The following NHSL1 variants were observed in gnomAD, a reference collection of about 807,000 sequenced individuals.
NHSL1 encodes NHS like 1.
In NHSL1, 48 loss-of-function variants were observed where a neutral mutation model predicts 95.0. That is an observed-to-expected ratio of 0.51 (90% CI 0.40 to 0.64). NHSL1 has a LOEUF of 0.64. Among genes scored for constraint, NHSL1 ranks in the 30% least tolerant of loss-of-function variants. NHSL1 has a pLI of 0.00. For missense variants in NHSL1, 1,971 were observed against 2,077.7 expected (o/e 0.95, Z 1.00); for synonymous variants, 783 against 833.9 (o/e 0.94, Z 1.05).
chr6:138,545,593 GCCA>G, intron 1 of NHSL1: 2 of 1,273,634 alleles, frequency 1.6e-6, no homozygotes, highest in Non-Finnish European at 2.1e-6. Context: ...GTAGAACTTT[GCCA>G]CCCAAATGGA....
At chr6:138,443,475 C>T (rs1282734135) in intron 4 of NHSL1, among the ~76,000 whole-genome samples, 1 of 152,172 alleles carries the variant, frequency 6.6e-6, no homozygotes, top group African/African-American at 2.4e-5. Flanking sequence ...TAGTTCCCTG[C>T]AGCAGAAGAA....
rs1775633466 is a variant in NHSL1 at position 138,431,243 on chromosome 6, G to C, written c.3102C>G (p.Thr1034=). ...PPLDPKFMKD[T]RPPFTNSGQP... ...GGCCAGAATTTGTGAAAGGCGGCCT[G>C]GTGTCTTTCATGAATTTGGGGTCAA... Residue 1034 remains threonine (T), a synonymous_variant, in exon 6 of 8, where the codon ACC becomes ACG. Coordinates refer to ENST00000343505, the MANE Select transcript of NHSL1 (RefSeq NM_001144060.2). The surrounding 1 kb of genome is among the most constrained non-coding windows in gnomAD (Gnocchi z 4.0). 1 of 1,516,032 alleles carries C rather than the reference G, an allele frequency of 6.6e-7. No individual in the cohort carries two copies. The highest frequency in any genetic ancestry group is 1.4e-5 in the African/African-American group (1 of 71,890). The allele number at this position is 1,516,032 out of a possible 1,614,324, so 93.9% of individuals were successfully genotyped here. A position where few individuals can be genotyped will look rare whatever the true frequency, so the allele number is the denominator to read the frequency against.
At chr6:138,522,700 A>C (rs1045731639) in intron 1 of NHSL1, among the ~76,000 whole-genome samples, 2 of 152,134 alleles carry the variant, frequency 1.3e-5, no homozygotes, top group African/African-American at 4.8e-5. Flanking sequence ...GGTTTCAGCT[A>C]CTCAGAAGGC....
At chr6:138,504,857 G>A (rs1387213521) in intron 1 of NHSL1, among the ~76,000 whole-genome samples, 1 of 152,144 alleles carries the variant, frequency 6.6e-6, no homozygotes. Context: ...TCTTTCTCTA[G>A]AACAACTTGG....
At chr6:138,629,160 T>C (rs1784783453) in intron 1 of NHSL1, among the ~76,000 whole-genome samples, 1 of 152,238 alleles carries the variant, frequency 6.6e-6, no homozygotes, top group African/African-American at 2.4e-5. Flanking sequence ...ATTCTCCTTA[T>C]AATGTAACTG....
chr6:138,436,254 C>A (rs768376801), intron 5 of NHSL1, among the ~76,000 whole-genome samples: 1 of 152,118 alleles, frequency 6.6e-6, no homozygotes, highest in Non-Finnish European at 1.5e-5. Flanking sequence ...AACAGTTAAC[C>A]GAGCTGTGAC....
intron 1 of NHSL1, chr6:138,650,551 C>A: frequency 3.4e-6 from 2 of 594,644 alleles, no homozygotes; most frequent in South Asian, 2.9e-5. Context: ...AAAACCACAT[C>A]ACCCAGGAGG....
intron 1 of NHSL1, among the ~76,000 whole-genome samples, chr6:138,612,166 G>T (rs868332857): frequency 1.3e-5 from 2 of 151,894 alleles, no homozygotes; most frequent in South Asian, 4.2e-4. Context: ...CTGCTGATGG[G>T]AGGGTATATT....
At chr6:138,485,374 AGTGCTTTG>A (rs1779661363) in intron 2 of NHSL1, among the ~76,000 whole-genome samples, 2 of 150,012 alleles carry the variant, frequency 1.3e-5, no homozygotes, top group Non-Finnish European at 3.0e-5. Flanking sequence ...AACAATCCGC[AGTGCTTTG>A]TTAAGACCTG....
intron 3 of NHSL1, among the ~76,000 whole-genome samples, chr6:138,465,694 T>C (rs932761184): frequency 6.6e-5 from 10 of 151,982 alleles, no homozygotes; most frequent in Non-Finnish European, 8.8e-5. Flanking sequence ...TTGCAGCATC[T>C]GATATATCTC....
intron 1 of NHSL1, among the ~76,000 whole-genome samples, chr6:138,506,792 G>A (rs1780984391): frequency 6.6e-6 from 1 of 152,056 alleles, no homozygotes. Context: ...AAAATCTACA[G>A]TAAAAGTTAA....
intron 3 of NHSL1, among the ~76,000 whole-genome samples, chr6:138,447,919 G>A (rs781740847): frequency 6.6e-6 from 1 of 152,032 alleles, no homozygotes; most frequent in Non-Finnish European, 1.5e-5. Flanking sequence ...ATTTCCTTTA[G>A]GCTCTGACTT....
upstream of NHSL1, among the ~76,000 whole-genome samples, chr6:138,576,329 A>G (rs967530709): frequency 6.6e-6 from 1 of 152,204 alleles, no homozygotes; most frequent in Non-Finnish European, 1.5e-5. Context: ...TTTTTAAAAA[A>G]AATAACTTCA....
At chr6:138,461,419 A>C (rs1777988323) in intron 3 of NHSL1, among the ~76,000 whole-genome samples, 1 of 152,242 alleles carries the variant, frequency 6.6e-6, no homozygotes, top group African/African-American at 2.4e-5. Flanking sequence ...GAAGAAAAGG[A>C]CTATTCAACA....
At chr6:138,683,117 T>C (rs980512928) in intron 1 of NHSL1, among the ~76,000 whole-genome samples, 1 of 152,104 alleles carries the variant, frequency 6.6e-6, no homozygotes, top group Admixed American at 6.5e-5. Flanking sequence ...CCCATGTCCA[T>C]GTCCATAAAA....
At chr6:138,681,553 T>C (rs1785511187) in intron 1 of NHSL1, among the ~76,000 whole-genome samples, 1 of 152,172 alleles carries the variant, frequency 6.6e-6, no homozygotes, top group Non-Finnish European at 1.5e-5. Flanking sequence ...ACACCTGGAA[T>C]ATCCTGGGAG....
intron 3 of NHSL1, among the ~76,000 whole-genome samples, chr6:138,466,188 C>T (rs1778370730): frequency 6.6e-6 from 1 of 151,216 alleles, no homozygotes; most frequent in African/African-American, 2.4e-5. Flanking sequence ...TACAGGCACC[C>T]GCCACCATGC....
chr6:138,467,215 C>T (rs941090845), intron 3 of NHSL1, among the ~76,000 whole-genome samples: 33 of 151,720 alleles, frequency 2.2e-4, no homozygotes, highest in Non-Finnish European at 3.4e-4. Context: ...TGCAGTGGCG[C>T]GATCTCGGCT....
In NHSL1 at chr6:138,499,447, T is replaced by A; in HGVS notation, c.-157A>T. 7.1e-7 allele frequency: 1 copy of A among 1,405,798 alleles called. No individual in the cohort carries two copies. The highest frequency in any genetic ancestry group is 2.6e-4 in the Middle Eastern group (1 of 3,796). The allele number at this position is 1,405,798 out of a possible 1,614,324, so 87.1% of individuals were successfully genotyped here. A position where few individuals can be genotyped will look rare whatever the true frequency, so the allele number is the denominator to read the frequency against. On this transcript the variant is annotated 5_prime_UTR_variant, in exon 1 of 8. Transcript: ENST00000343505. The stretch of plus-strand genomic sequence containing the variant: ...TCTGCCCAGGCTGATGTAACTGAGG[T>A]TGAGTTTATTGTCAGGCAGTTACAA...
Sources: allele counts gnomAD v4.1 joint callset (sites outside exome capture counted in the v4.1 genomes callset), GRCh38; gene constraint gnomAD v4.1.1; non-coding constraint Gnocchi (gnomAD v3.1); transcripts MANE v1.5; gene names NCBI Gene and HGNC (gene_info 2026-07-23, HGNC 2026-07-21).